RIMS2: variants seen among roughly 807,000 people sequenced by gnomAD.
RIMS2 encodes regulating synaptic membrane exocytosis protein 2.
Under a neutral mutation model 174.4 loss-of-function variants are expected in RIMS2, and 59 were observed. The ratio of observed to expected loss-of-function variants is 0.34; its 90% CI spans 0.27 to 0.42. RIMS2 has a LOEUF of 0.42. Among genes scored for constraint, RIMS2 ranks in the 10% least tolerant of loss-of-function variants. The pLI is 1.00. For synonymous variants in RIMS2, 606 were observed against 572.5 expected, an observed-to-expected ratio of 1.06 and a Z score of -0.84; for missense variants, 1,620 against 1,666.3, an observed-to-expected ratio of 0.97 and a Z score of 0.48.
chr8:104,214,276 A>G (rs576894247), intron 19 of RIMS2, among the ~76,000 whole-genome samples: 11 of 152,308 alleles, frequency 7.2e-5, no homozygotes, highest in African/African-American at 2.6e-4. Context: ...TTCTTGGGTA[A>G]TAGTCCTCTG....
At chr8:103,858,958 A>G (rs1333397598) in intron 3 of RIMS2, among the ~76,000 whole-genome samples, 1 of 152,088 alleles carries the variant, frequency 6.6e-6, no homozygotes, top group East Asian at 1.9e-4. Flanking sequence ...GTAGTTCTTT[A>G]TAGCATAGCA....
intron 14 of RIMS2, among the ~76,000 whole-genome samples, chr8:103,949,867 A>G (rs1333212885): frequency 2.0e-5 from 3 of 152,172 alleles, no homozygotes; most frequent in African/African-American, 2.4e-5. Flanking sequence ...GAAATTATCA[A>G]TATAATTGAT....
At chr8:104,151,596 A>G (rs2098690049) in intron 19 of RIMS2, among the ~76,000 whole-genome samples, 1 of 148,436 alleles carries the variant, frequency 6.7e-6, no homozygotes, top group Non-Finnish European at 1.5e-5. Context: ...AAAAAAAAAA[A>G]GAGATGTTGG....
At chr8:104,016,802 A>T (rs1351373529) in intron 19 of RIMS2, among the ~76,000 whole-genome samples, 4 of 152,116 alleles carry the variant, frequency 2.6e-5, no homozygotes, top group African/African-American at 9.6e-5. Flanking sequence ...TCTTTGTAAT[A>T]GCAAGTATCC....
At chr8:103,941,546 A>G (rs1020579898) in intron 13 of RIMS2, among the ~76,000 whole-genome samples, 1 of 152,148 alleles carries the variant, frequency 6.6e-6, no homozygotes, top group Admixed American at 6.5e-5. Context: ...TACCTCCCTT[A>G]GATAAATAGT....
At position 104,187,167 on chromosome 8, in the gene RIMS2, G is replaced by A. The variant is rs554727897; in HGVS notation, c.3335-57749G>A. 2.6e-5 allele frequency among the ~76,000 whole-genome samples: 4 copies of A among 151,828 alleles called. No homozygotes were observed. The South Asian group carries it at 8.3e-4, about 32-fold the overall frequency. ...TAATCTATGCAAAAGTCATTGTATG[G>A]TTCTTGCCTTTTCCTTCATGGATTT... is the stretch of plus-strand genomic sequence containing the variant. On this transcript the variant is annotated intron_variant, in intron 19 of 23. Coordinates refer to ENST00000504942, the Ensembl canonical transcript of RIMS2.
chr8:103,883,641 G>A (rs2099181921), intron 3 of RIMS2, among the ~76,000 whole-genome samples: 1 of 151,824 alleles, frequency 6.6e-6, no homozygotes, highest in Non-Finnish European at 1.5e-5. Context: ...TTAAGGGATA[G>A]ACTAATTTTT....
chr8:103,779,925 TGA>T (rs1239416982), intron 3 of RIMS2, among the ~76,000 whole-genome samples: 4 of 151,394 alleles, frequency 2.6e-5, no homozygotes, highest in African/African-American at 9.7e-5. Flanking sequence ...AGAAAGAAAG[TGA>T]GTTGGCTATA....
chr8:103,646,071 C>T (rs1564143240), intron 1 of RIMS2, among the ~76,000 whole-genome samples: 1 of 151,974 alleles, frequency 6.6e-6, no homozygotes, highest in Non-Finnish European at 1.5e-5. Context: ...AAGTGCTCAG[C>T]AGGGGAGCTT....
chr8:104,213,185 A>G (rs922265139), intron 19 of RIMS2, among the ~76,000 whole-genome samples: 3 of 152,046 alleles, frequency 2.0e-5, no homozygotes, highest in African/African-American at 7.2e-5. Flanking sequence ...TGTGGCACAT[A>G]CCTATAATCT....
intron 2 of RIMS2, among the ~76,000 whole-genome samples, chr8:103,757,469 CT>C (rs2098037638): frequency 6.6e-6 from 1 of 151,964 alleles, no homozygotes; most frequent in Non-Finnish European, 1.5e-5. Context: ...TATATATTTG[CT>C]GTATAAAATT....
intron 3 of RIMS2, among the ~76,000 whole-genome samples, chr8:103,875,634 G>A (rs2099132682): frequency 6.6e-6 from 1 of 151,980 alleles, no homozygotes; most frequent in Non-Finnish European, 1.5e-5. Flanking sequence ...TCAGTAGTGG[G>A]TTTGGTGAAT....
At chr8:103,817,263 A>T (rs574515267) in intron 3 of RIMS2, among the ~76,000 whole-genome samples, 1 of 152,280 alleles carries the variant, frequency 6.6e-6, no homozygotes, top group African/African-American at 2.4e-5. Context: ...AATACCCTTG[A>T]TTAGGCCACT....
chr8:103,894,082 T>C (rs2099263509), intron 4 of RIMS2, among the ~76,000 whole-genome samples: 1 of 152,024 alleles, frequency 6.6e-6, no homozygotes, highest in South Asian at 2.1e-4. Flanking sequence ...CCAGAAAAAT[T>C]TGAAAATTTA....
intron 12 of RIMS2, among the ~76,000 whole-genome samples, chr8:103,933,991 T>C (rs1240090015): frequency 6.6e-6 from 1 of 152,126 alleles, no homozygotes; most frequent in Non-Finnish European, 1.5e-5. Flanking sequence ...AGTTAAGCCA[T>C]GTGAAAATTA....
At chr8:103,986,727 A>AC (rs1393157864) in intron 16 of RIMS2, among the ~76,000 whole-genome samples, 3 of 151,776 alleles carry the variant, frequency 2.0e-5, no homozygotes, top group Non-Finnish European at 1.5e-5. Flanking sequence ...AAAACAATTA[A>AC]CCAGGCGTGG....
intron 8 of RIMS2, among the ~76,000 whole-genome samples, chr8:103,917,846 T>A (rs2076903663): frequency 6.6e-6 from 1 of 152,100 alleles, no homozygotes; most frequent in African/African-American, 2.4e-5. Context: ...ACCTCGTCTC[T>A]GCTAAAAATA....
chr8:104,034,462 CTTTTTTTTTTTTT>C (rs200907072), intron 19 of RIMS2, among the ~76,000 whole-genome samples: 36,940 of 118,588 alleles, frequency 0.31, 5,271 homozygotes, highest in South Asian at 0.42. Context: ...CTTGCAGTAT[CTTTTTTTTTTTTT>C]TTTTTTTTTT....
At chr8:103,678,123 T>A (rs1436461899) in intron 1 of RIMS2, among the ~76,000 whole-genome samples, 1 of 152,216 alleles carries the variant, frequency 6.6e-6, no homozygotes, top group African/African-American at 2.4e-5. Context: ...TATATTTGTT[T>A]CCATGTCTGT....
Sources: allele counts gnomAD v4.1 joint callset (sites outside exome capture counted in the v4.1 genomes callset), GRCh38; gene constraint gnomAD v4.1.1; transcripts MANE v1.5; gene names NCBI Gene and HGNC (gene_info 2026-07-23, HGNC 2026-07-21).